NOSTRIN: variants seen among roughly 807,000 people sequenced by gnomAD.
NOSTRIN encodes BM247 homolog.
In NOSTRIN, 63 loss-of-function variants were observed where a neutral mutation model predicts 59.0. The ratio of observed to expected loss-of-function variants is 1.07; its 90% CI spans 0.87 to 1.32. The LOEUF (loss-of-function observed/expected upper bound fraction) is 1.32, where lower values mean the gene tolerates loss of function less well. NOSTRIN is among the 40% of genes most tolerant of loss of function. The pLI, the probability that NOSTRIN is intolerant of heterozygous loss-of-function variation, is 0.00. For missense variants in NOSTRIN, 512 were observed against 473.1 expected (o/e 1.08, Z -0.76); for synonymous variants, 200 against 165.4 (o/e 1.21, Z -1.61).
At chr2:168,864,083 T>C (rs1483466348) in intron 15 of NOSTRIN, among the ~76,000 whole-genome samples, 1 of 152,082 alleles carries the variant, frequency 6.6e-6, no homozygotes, top group Non-Finnish European at 1.5e-5. Flanking sequence ...TTCTCCTGCC[T>C]CAGTCTCCCA....
At chr2:168,863,352 G>A (rs1689600032) in intron 15 of NOSTRIN, 1 of 937,568 alleles carries the variant, frequency 1.1e-6, no homozygotes, top group African/African-American at 1.8e-5. Context: ...GATAGAAAAG[G>A]AGTTAATAAT....
chr2:168,850,778 A>C, intron 8 of NOSTRIN: 1 of 738,994 alleles, frequency 1.4e-6, no homozygotes, highest in South Asian at 1.7e-5. Context: ...TCTGGAATCC[A>C]TGATTGTGTC....
intron 6 of NOSTRIN, among the ~76,000 whole-genome samples, chr2:168,832,383 G>A (rs1687416584): frequency 6.6e-6 from 1 of 152,288 alleles, no homozygotes; most frequent in South Asian, 2.1e-4. Context: ...GAAAGGACTA[G>A]CAGTAAATCT....
At chr2:168,822,255 G>T (rs1245514075) in intron 2 of NOSTRIN, among the ~76,000 whole-genome samples, 1 of 152,138 alleles carries the variant, frequency 6.6e-6, no homozygotes, top group Admixed American at 6.5e-5. Flanking sequence ...ACACCAAATG[G>T]TTGTTTTCTG....
Position 168,843,193 on chromosome 2 carries a change from T to A in NOSTRIN, c.630+76T>A, listed in dbSNP as rs2105719505. On this transcript the variant is annotated intron_variant, in intron 8 of 15. Coordinates refer to ENST00000317647, the MANE Select transcript of NOSTRIN (RefSeq NM_001039724.4). ...CTTGAAGATGGAGGTCAGATTACAG[T>A]GACAAGACCTGCCCTCTGTCTTAGC... The A allele has an allele frequency of 7.6e-6, 6 of 787,426 alleles. No homozygotes were observed. The South Asian group carries it at 9.7e-5, about 13-fold the overall frequency. The allele number at this position is 787,426 out of a possible 1,614,324, so 48.8% of individuals were successfully genotyped here.
chr2:168,864,772 C>G (rs1464431725), intron 15 of NOSTRIN, 62 bp from the exon 16 acceptor site: 2 of 1,583,076 alleles, frequency 1.3e-6, no homozygotes, highest in Non-Finnish European at 1.7e-6. Flanking sequence ...AAACTCTTAT[C>G]AATCGGGCTG....
intron 2 of NOSTRIN, among the ~76,000 whole-genome samples, chr2:168,819,643 T>C (rs1371159532): frequency 2.6e-5 from 4 of 152,218 alleles, no homozygotes; most frequent in Non-Finnish European, 5.9e-5. Context: ...CCTTCTGTCT[T>C]GCAGAGTAAT....
intron 2 of NOSTRIN, among the ~76,000 whole-genome samples, chr2:168,792,069 C>T (rs58854048): frequency 0.066 from 9,964 of 152,074 alleles, 736 homozygotes; most frequent in East Asian, 0.41. Context: ...ATGCCTATGT[C>T]CTGAATGGTA....
At chr2:168,835,593 TG>T (rs1282991456) in intron 7 of NOSTRIN, among the ~76,000 whole-genome samples, 1 of 152,220 alleles carries the variant, frequency 6.6e-6, no homozygotes, top group African/African-American at 2.4e-5. Flanking sequence ...GTGCATTTTG[TG>T]TATGTTAACC....
chr2:168,832,008 GT>G lies in NOSTRIN; in HGVS notation c.405+478del, dbSNP rs150588790. Among the ~76,000 whole-genome samples the G allele has an allele frequency of 4.7e-3, 715 of 152,094 alleles. 5 individuals carry two copies. The highest frequency in any genetic ancestry group is 0.016 in the African/African-American group (674 of 41,470). ...ACAGAATATGATAAACACCACCTGG[GT>G]TTTGTTTTTTTCATTTGTAGAAAGG... On this transcript the variant is annotated intron_variant, in intron 6 of 15. Coordinates refer to ENST00000317647, the MANE Select transcript of NOSTRIN (RefSeq NM_001039724.4).
rs556775882 is a variant in NOSTRIN at position 168,863,917 on chromosome 2, A to AT, written c.1385-906dup. On this transcript the variant is annotated intron_variant, in intron 15 of 15. Transcript: ENST00000317647. ...ATATGATCCAACGTGATCTTTTTTT[A>AT]TTTTTTTTTTTGAGGCAGAGTCTTG... Among the ~76,000 whole-genome samples, 1,398 of 147,760 alleles carry AT rather than the reference A, an allele frequency of 9.5e-3. 9 individuals carry two copies. The highest frequency in any genetic ancestry group is 0.032 in the Middle Eastern group (9 of 284).
chr2:168,836,341 C>G (rs923105202), intron 7 of NOSTRIN, among the ~76,000 whole-genome samples: 3 of 152,182 alleles, frequency 2.0e-5, no homozygotes, highest in Non-Finnish European at 4.4e-5. Context: ...CTTCCTACCC[C>G]CATCAGCAGC....
chr2:168,862,258 A>G (rs1366282152), intron 15 of NOSTRIN, among the ~76,000 whole-genome samples: 1 of 152,242 alleles, frequency 6.6e-6, no homozygotes, highest in Non-Finnish European at 1.5e-5. Flanking sequence ...ACATTGTTGC[A>G]GGCCTATTGT....
intron 8 of NOSTRIN, among the ~76,000 whole-genome samples, chr2:168,844,775 C>A (rs1226846297): frequency 6.6e-6 from 1 of 151,728 alleles, no homozygotes; most frequent in Non-Finnish European, 1.5e-5. Context: ...GAGGCTGAGG[C>A]AGGAGAATGG....
At chr2:168,856,811 A>C (rs1396235724) in intron 12 of NOSTRIN, 33 bp downstream of exon 12, 1 of 1,583,164 alleles carries the variant, frequency 6.3e-7, no homozygotes, top group Non-Finnish European at 8.7e-7. Flanking sequence ...TCCTAGATGT[A>C]GTGATGAAAA....
At chr2:168,799,023 G>A (rs1336200100), upstream of NOSTRIN, among the ~76,000 whole-genome samples, 1 of 152,126 alleles carries the variant, frequency 6.6e-6, no homozygotes, top group Non-Finnish European at 1.5e-5. Context: ...TGCCTCATCT[G>A]CTATCTTTAT....
intron 10 of NOSTRIN, among the ~76,000 whole-genome samples, chr2:168,854,022 C>A (rs113221727): frequency 6.6e-6 from 1 of 152,146 alleles, no homozygotes; most frequent in Non-Finnish European, 1.5e-5. Context: ...TGCACACCAC[C>A]ACGCCCGGCT....
chr2:168,864,523 G>A (rs1689730330), intron 15 of NOSTRIN, among the ~76,000 whole-genome samples: 1 of 151,934 alleles, frequency 6.6e-6, no homozygotes, highest in Admixed American at 6.6e-5. Context: ...CTGACCTTGT[G>A]ATCCACCCAC....
At chr2:168,790,694 C>G (rs1685324367) in intron 2 of NOSTRIN, among the ~76,000 whole-genome samples, 2 of 152,176 alleles carry the variant, frequency 1.3e-5, no homozygotes, top group Admixed American at 6.5e-5. Flanking sequence ...GACTGAATGC[C>G]AGGCACAATA....
Sources: allele counts gnomAD v4.1 joint callset (sites outside exome capture counted in the v4.1 genomes callset), GRCh38; gene constraint gnomAD v4.1.1; transcripts MANE v1.5; gene names NCBI Gene and HGNC (gene_info 2026-07-23, HGNC 2026-07-21).